TSN: variants seen among roughly 807,000 people sequenced by gnomAD.
TSN encodes the protein translin.
TSN carries 5 observed loss-of-function variants against 29.4 expected under a neutral mutation model. The ratio of observed to expected loss-of-function variants is 0.17; its 90% CI spans 0.09 to 0.36. The LOEUF (loss-of-function observed/expected upper bound fraction) is 0.36. Ranked by LOEUF, TSN falls within the 10% of genes least tolerant of loss-of-function variation. The pLI is 1.00. For synonymous variants in TSN, 106 were observed against 102.2 expected (o/e 1.04, Z -0.23); for missense variants, 159 against 272.8 (o/e 0.58, Z 2.94).
chr2:121,764,127 A>G (rs964165013), intron 5 of TSN, among the ~76,000 whole-genome samples: 1 of 152,208 alleles, frequency 6.6e-6, no homozygotes, highest in African/African-American at 2.4e-5. Context: ...CCTTGCCTGC[A>G]GGGAGGCAGA....
In TSN at chr2:121,767,341, A is replaced by G. The variant is rs1399780517; in HGVS notation, c.*1974A>G. ...TCTCCCATGTGCATAACAAATTCTG[A>G]ATATTTTTTGAGGCTAAAGAAGACC... is the stretch of plus-strand genomic sequence containing the variant. On this transcript the variant is annotated 3_prime_UTR_variant, in exon 6 of 6. Transcript: ENST00000389682. The G allele has an allele frequency of 6.6e-6, 1 of 152,166 alleles. No homozygotes were observed. Among genetic ancestry groups the G allele is most frequent in the Non-Finnish European group, 1.5e-5 (1 of 68,046 alleles). 9.4% of individuals were successfully genotyped at this position (152,166 alleles called of 1,614,324 possible). A position where few individuals can be genotyped will look rare whatever the true frequency, so the allele number is the denominator to read the frequency against.
chr2:121,762,978 A>G (rs1223111493), intron 4 of TSN, 27 bp from the exon 5 acceptor site: 3 of 1,582,864 alleles, frequency 1.9e-6, no homozygotes, highest in African/African-American at 1.4e-5. Context: ...CATTCACAGC[A>G]TGACTTTATT....
chr2:121,761,711 G>C (rs536878672), intron 4 of TSN, among the ~76,000 whole-genome samples, 187 bp downstream of exon 4: 1 of 152,134 alleles, frequency 6.6e-6, no homozygotes, highest in Admixed American at 6.6e-5. Flanking sequence ...GGATGTTCAA[G>C]TCCCTTATAT....
At chr2:121,760,529 C>CT (rs143859766) in intron 3 of TSN, among the ~76,000 whole-genome samples, 5,836 of 152,030 alleles carry the variant, frequency 0.038, 385 homozygotes, top group African/African-American at 0.13. Flanking sequence ...ATGTTGAGAC[C>CT]TTTTTTTTGA....
intron 4 of TSN, among the ~76,000 whole-genome samples, chr2:121,761,835 T>A (rs1460314323): frequency 6.6e-6 from 1 of 152,096 alleles, no homozygotes; most frequent in African/African-American, 2.4e-5. Context: ...TATTTTTTTT[T>A]TTTTGAGACA....
chr2:121,763,429 G>A (rs2074859762), intron 5 of TSN, among the ~76,000 whole-genome samples: 1 of 152,306 alleles, frequency 6.6e-6, no homozygotes. Context: ...ATAGGCGTGA[G>A]CCACTGTGCC....
intron 2 of TSN, 140 bp from the exon 3 acceptor site, chr2:121,758,570 C>T: frequency 4.1e-6 from 2 of 491,740 alleles, no homozygotes; most frequent in Non-Finnish European, 6.9e-6. Flanking sequence ...TTTTGAAAGC[C>T]AGGTTGAAAA....
At chr2:121,757,635 A>G in intron 2 of TSN, 1 of 330,922 alleles carries the variant, frequency 3.0e-6, no homozygotes, top group Non-Finnish European at 5.5e-6. Flanking sequence ...GTAAGCGGGA[A>G]AAGGGTTTAT....
At chr2:121,760,622 C>T (rs1192664646) in intron 3 of TSN, among the ~76,000 whole-genome samples, 1 of 152,118 alleles carries the variant, frequency 6.6e-6, no homozygotes, top group Non-Finnish European at 1.5e-5. Context: ...GCTTCTAGCT[C>T]AGTATTCTAT....
At chr2:121,763,263 C>T (rs1449222953) in intron 5 of TSN, among the ~76,000 whole-genome samples, 179 bp downstream of exon 5, 2 of 151,956 alleles carry the variant, frequency 1.3e-5, no homozygotes, top group Non-Finnish European at 2.9e-5. Flanking sequence ...CTGCCTCAGC[C>T]TCCTGAGTAG....
chr2:121,763,038 A>T lies in TSN; in HGVS notation c.407A>T (p.Asp136Val), dbSNP rs2074852080. The change falls in exon 5 of 6, where the codon GAT becomes GTT. Residue 136 changes from aspartate to valine, a missense_variant. Coordinates refer to ENST00000389682, the MANE Select transcript of TSN (RefSeq NM_004622.3). ...EPDREKGFHL[D>V]VEDYLSGVLI... is the part of the protein sequence containing the mutation. ...GATCGGGAGAAAGGATTTCATCTGGATGTAGAAGATTATCTCTCAGGAGTT... is the reference window on the plus strand; with the variant it reads ...GATCGGGAGAAAGGATTTCATCTGGTTGTAGAAGATTATCTCTCAGGAGTT... The T allele has an allele frequency of 1.9e-6, 3 of 1,605,578 alleles. No homozygotes were observed. Among genetic ancestry groups the T allele is most frequent in the Admixed American group, 1.7e-5 (1 of 59,252 alleles).
At chr2:121,758,102 A>G (rs990589929) in intron 2 of TSN, among the ~76,000 whole-genome samples, 1 of 152,290 alleles carries the variant, frequency 6.6e-6, no homozygotes, top group Non-Finnish European at 1.5e-5. Flanking sequence ...ATACCTTTTA[A>G]TATGAGATTA....
intron 2 of TSN, 100 bp downstream of exon 2, chr2:121,757,433 T>G: frequency 1.3e-6 from 2 of 1,571,828 alleles, no homozygotes; most frequent in South Asian, 2.3e-5. Context: ...TCATGCTTTA[T>G]GGTGAGTAAA....
Position 121,767,292 on chromosome 2 carries a change from A to G in TSN, c.*1925A>G, listed in dbSNP as rs1056526538. ...AATAAAATTTTTTTGGTCTTTTTGT[A>G]AGTGAGTGTGCTGCTGTAAGAAATC... On this transcript the variant is annotated 3_prime_UTR_variant, in exon 6 of 6. Coordinates refer to ENST00000389682, the MANE Select transcript of TSN (RefSeq NM_004622.3). The G allele has an allele frequency of 2.0e-5, 3 of 152,124 alleles. No individual in the cohort carries two copies. The East Asian group carries it at 5.8e-4, about 29-fold the overall frequency. 9.4% of individuals were successfully genotyped at this position (152,124 alleles called of 1,614,324 possible).
At chr2:121,756,741 C>T in intron 1 of TSN, 2 of 602,226 alleles carry the variant, frequency 3.3e-6, no homozygotes, top group Non-Finnish European at 2.5e-6. Flanking sequence ...CCTGTCTCTA[C>T]TAAAAATATA....
At chr2:121,757,908 C>T (rs999384251) in intron 2 of TSN, among the ~76,000 whole-genome samples, 5 of 151,912 alleles carry the variant, frequency 3.3e-5, no homozygotes, top group Non-Finnish European at 7.4e-5. Flanking sequence ...TCAGATGATC[C>T]GCCTGGCTGG....
intron 3 of TSN, 65 bp downstream of exon 3, chr2:121,758,871 C>A: frequency 1.8e-6 from 2 of 1,107,154 alleles, no homozygotes; most frequent in Non-Finnish European, 2.5e-6. Flanking sequence ...ATTATGTGTA[C>A]CAAATGATTG....
chr2:121,767,280 T>C lies in TSN; in HGVS notation c.*1913T>C, dbSNP rs941601719. 6.6e-5 allele frequency: 10 copies of C among 152,186 alleles called. No individual in the cohort carries two copies. Among genetic ancestry groups the C allele is most frequent in the African/African-American group, 2.4e-4 (10 of 41,452 alleles). 9.4% of individuals were successfully genotyped at this position (152,186 alleles called of 1,614,324 possible). On this transcript the variant is annotated 3_prime_UTR_variant, in exon 6 of 6. Transcript: ENST00000389682. ...TTGTTGTAAAGCAATAAAATTTTTT[T>C]GGTCTTTTTGTAAGTGAGTGTGCTG...
At chr2:121,756,368 T>G (rs2074747838) in intron 1 of TSN, 1 of 241,862 alleles carries the variant, frequency 4.1e-6, no homozygotes, top group Non-Finnish European at 8.9e-6. Flanking sequence ...GGAATTTGCT[T>G]CTTTCCCGTT....
Sources: allele counts gnomAD v4.1 joint callset (sites outside exome capture counted in the v4.1 genomes callset), GRCh38; gene constraint gnomAD v4.1.1; transcripts MANE v1.5; gene names NCBI Gene and HGNC (gene_info 2026-07-23, HGNC 2026-07-21).